The following TPRG1 variants were observed in gnomAD, a reference collection of about 807,000 sequenced individuals.
TPRG1 encodes tumor protein p63 regulated 1.
Under a neutral mutation model 29.3 loss-of-function variants are expected in TPRG1, and 29 were observed. The observed-to-expected ratio is 0.99, with a 90% CI of 0.74 to 1.35. The LOEUF is 1.35. Ranked by LOEUF, TPRG1 falls within the 40% of genes most tolerant of loss-of-function variation. The pLI, the probability that TPRG1 is intolerant of heterozygous loss-of-function variation, is 0.00. For synonymous variants in TPRG1, 130 were observed against 116.8 expected (o/e 1.11, Z -0.73); for missense variants, 327 against 335.0 (o/e 0.98, Z 0.19).
At chr3:189,196,635 C>T (rs1732576772) in intron 1 of TPRG1, among the ~76,000 whole-genome samples, 1 of 152,246 alleles carries the variant, frequency 6.6e-6, no homozygotes, top group South Asian at 2.1e-4. Flanking sequence ...TCAGTTACCT[C>T]CCACTGGGTC....
chr3:189,106,183 G>T (rs1163552974), intron 1 of TPRG1, among the ~76,000 whole-genome samples: 1 of 152,098 alleles, frequency 6.6e-6, no homozygotes, highest in Non-Finnish European at 1.5e-5. Context: ...AGCAGTATGA[G>T]ATCATTATGA....
chr3:189,222,039 G>C (rs1236887286), intron 3 of TPRG1, among the ~76,000 whole-genome samples: 1 of 151,916 alleles, frequency 6.6e-6, no homozygotes, highest in Non-Finnish European at 1.5e-5. Context: ...CTTTGTGCCT[G>C]TGTCTGTTTT....
At chr3:189,142,239 G>A (rs529057530) in intron 3 of TPRG1, among the ~76,000 whole-genome samples, 1 of 152,230 alleles carries the variant, frequency 6.6e-6, no homozygotes, top group African/African-American at 2.4e-5. Context: ...GATGTTCAGG[G>A]AATGTGCAGA....
At chr3:189,033,341 G>A (rs80165574) in intron 4 of TPRG1, among the ~76,000 whole-genome samples, 2,818 of 151,152 alleles carry the variant, frequency 0.019, 88 homozygotes, top group African/African-American at 0.064. Context: ...GAGTGCAGCT[G>A]TATGATCTTG....
chr3:189,231,874 T>C (rs1578943927), intron 3 of TPRG1, among the ~76,000 whole-genome samples: 1 of 152,110 alleles, frequency 6.6e-6, no homozygotes, highest in South Asian at 2.1e-4. Flanking sequence ...TCTGTTGTTA[T>C]AATCTAAGAA....
rs142505576 is a variant in TPRG1, at chr3:189,206,808, C to CGTGTGTGTGTGTGTGTGTGTGTGTGT, written c.-9-547_-9-546insTGTGTGTGTGTGTGTGTGTGTGTGTG. On this transcript the variant is annotated intron_variant, in intron 1 of 5. Transcript: ENST00000345063. ...GAGTCACCATGCCCAGCTGAACAAC[C>CGTGTGTGTGTGTGTGTGTGTGTGTGT]GTGTGTGTGTGTGTGTGTGTGCACG... Among the ~76,000 whole-genome samples the CGTGTGTGTGTGTGTGTGTGTGTGTGT allele has an allele frequency of 4.8e-3, 705 of 147,700 alleles. 7 individuals carry two copies. The highest frequency in any genetic ancestry group is 0.017 in the African/African-American group (671 of 39,150).
chr3:189,015,551 C>T (rs1362768692), intron 3 of TPRG1, among the ~76,000 whole-genome samples: 1 of 152,160 alleles, frequency 6.6e-6, no homozygotes, highest in Non-Finnish European at 1.5e-5. Context: ...ATGTCACAGA[C>T]CTTCGTGACA....
intron 4 of TPRG1, among the ~76,000 whole-genome samples, chr3:189,085,071 G>A (rs932147900): frequency 7.2e-5 from 11 of 152,168 alleles, no homozygotes; most frequent in Non-Finnish European, 1.3e-4. Context: ...TTTAACAAAT[G>A]AGGACACGTA....
chr3:189,266,172 C>T (rs936522645), intron 4 of TPRG1, among the ~76,000 whole-genome samples: 29 of 152,118 alleles, frequency 1.9e-4, no homozygotes, highest in East Asian at 1.9e-4. Flanking sequence ...ATCTACCCCA[C>T]GGAGTTGTGG....
At chr3:189,219,988 C>G (rs549244296) in intron 3 of TPRG1, among the ~76,000 whole-genome samples, 1 of 152,274 alleles carries the variant, frequency 6.6e-6, no homozygotes, top group South Asian at 2.1e-4. Context: ...GAAGAGTCAG[C>G]CTGGTGTCAT....
chr3:189,268,692 C>A (rs1031397080), intron 4 of TPRG1, among the ~76,000 whole-genome samples: 7 of 152,182 alleles, frequency 4.6e-5, no homozygotes, highest in Non-Finnish European at 8.8e-5. Context: ...TGTTGCATTT[C>A]TTCTAGGGAA....
chr3:189,288,059 AAG>A (rs201232269), intron 4 of TPRG1, among the ~76,000 whole-genome samples: 2,532 of 151,858 alleles, frequency 0.017, 72 homozygotes, highest in African/African-American at 0.058. Context: ...TGAGAGAGAA[AAG>A]AGAGAGACAG....
At chr3:189,017,379 C>T (rs575102454) in intron 3 of TPRG1, among the ~76,000 whole-genome samples, 1 of 152,218 alleles carries the variant, frequency 6.6e-6, no homozygotes, top group African/African-American at 2.4e-5. Context: ...TCCCTACCTG[C>T]TCCCCCCACC....
chr3:189,241,789 T>C (rs2108961047), intron 4 of TPRG1, among the ~76,000 whole-genome samples: 1 of 152,258 alleles, frequency 6.6e-6, no homozygotes, highest in South Asian at 2.1e-4. Flanking sequence ...GTTCTGCTTT[T>C]GCTTCTTGCT....
intron 4 of TPRG1, among the ~76,000 whole-genome samples, chr3:189,027,026 T>C (rs1272449377): frequency 6.6e-6 from 1 of 152,228 alleles, no homozygotes; most frequent in Non-Finnish European, 1.5e-5. Context: ...ATCAATGTGT[T>C]AACAGTATTA....
intron 1 of TPRG1, among the ~76,000 whole-genome samples, chr3:189,102,829 C>T (rs1719361969): frequency 6.6e-6 from 1 of 152,054 alleles, no homozygotes; most frequent in South Asian, 2.1e-4. Flanking sequence ...TTTTTCCTAA[C>T]ACTTATTTTG....
chr3:189,176,373 T>A (rs957502712), intron 1 of TPRG1, among the ~76,000 whole-genome samples: 1 of 152,224 alleles, frequency 6.6e-6, no homozygotes, highest in African/African-American at 2.4e-5. Flanking sequence ...TTGAAAGCTA[T>A]TGAATATCTG....
chr3:189,125,253 CAT>C (rs1368912148), intron 1 of TPRG1, among the ~76,000 whole-genome samples: 1 of 152,176 alleles, frequency 6.6e-6, no homozygotes, highest in Non-Finnish European at 1.5e-5. Flanking sequence ...ACAAACAAGA[CAT>C]ATAACCTCGG....
At chr3:189,019,332 A>G (rs1436298837) in intron 3 of TPRG1, among the ~76,000 whole-genome samples, 2 of 152,130 alleles carry the variant, frequency 1.3e-5, no homozygotes, top group East Asian at 3.8e-4. Flanking sequence ...GAATGCTTCC[A>G]GTTTTTGCCC....
Sources: gnomAD v4.1 joint callset for allele counts (sites outside exome capture counted in the v4.1 genomes callset) on GRCh38, gnomAD v4.1.1 for gene constraint, MANE v1.5 for transcripts, NCBI Gene and HGNC (gene_info 2026-07-23, HGNC 2026-07-21) for gene names.